SCHIP1: variants seen among roughly 807,000 people sequenced by gnomAD.
SCHIP1 encodes schwannomin interacting protein 1.
Under a neutral mutation model 29.7 loss-of-function variants are expected in SCHIP1, and 8 were observed. The ratio of observed to expected loss-of-function variants is 0.27; its 90% confidence interval spans 0.16 to 0.49. The LOEUF (loss-of-function observed/expected upper bound fraction) is 0.49, where lower values mean the gene tolerates loss of function less well. SCHIP1 is among the 20% of genes least tolerant of loss of function. The pLI, the probability that SCHIP1 is intolerant of heterozygous loss-of-function variation, is 0.99. For synonymous variants in SCHIP1, 76 were observed against 94.9 expected, an observed-to-expected ratio of 0.80 and a Z score of 1.16; for missense variants, 193 against 294.6, an observed-to-expected ratio of 0.66 and a Z score of 2.52.
At chr3:159,650,880 A>T in the SCHIP1 span, among the ~76,000 whole-genome samples, 1 of 152,188 alleles carries the variant, frequency 6.6e-6, no homozygotes, top group Non-Finnish European at 1.5e-5. Flanking sequence ...TACATAAACC[A>T]ACCAGAAAAG....
At chr3:159,654,802 TAAAAA>T in the SCHIP1 span, among the ~76,000 whole-genome samples, 595 of 103,770 alleles carry the variant, frequency 5.7e-3, 5 homozygotes, top group African/African-American at 0.019. Context: ...TGACTTTAAG[TAAAAA>T]AAAAAAAAAA....
At chr3:159,365,514 A>G in the SCHIP1 span, among the ~76,000 whole-genome samples, 1 of 152,188 alleles carries the variant, frequency 6.6e-6, no homozygotes, top group Non-Finnish European at 1.5e-5. Flanking sequence ...TAAGCACCAT[A>G]AGGGCAGGAG....
chr3:159,424,627 A>G, the SCHIP1 span, among the ~76,000 whole-genome samples: 1 of 152,222 alleles, frequency 6.6e-6, no homozygotes, highest in African/African-American at 2.4e-5. Flanking sequence ...GCAGGATATT[A>G]TCCAGGAGAA....
At chr3:159,485,141 T>G in the SCHIP1 span, among the ~76,000 whole-genome samples, 7 of 151,250 alleles carry the variant, frequency 4.6e-5, no homozygotes, top group Non-Finnish European at 8.8e-5. Context: ...CCCTGCTCCC[T>G]CATACTTCCT....
the SCHIP1 span, among the ~76,000 whole-genome samples, chr3:159,678,765 AG>A: frequency 6.6e-6 from 1 of 152,246 alleles, no homozygotes; most frequent in African/African-American, 2.4e-5. Flanking sequence ...ATGGCCGGGG[AG>A]GCCTCAGAAA....
At chr3:159,602,125 A>G in the SCHIP1 span, among the ~76,000 whole-genome samples, 1 of 152,314 alleles carries the variant, frequency 6.6e-6, no homozygotes, top group Admixed American at 6.5e-5. Context: ...AGTCTATGGT[A>G]GAAATATGGA....
the SCHIP1 span, among the ~76,000 whole-genome samples, chr3:159,651,246 G>T: frequency 6.6e-6 from 1 of 152,184 alleles, no homozygotes; most frequent in Non-Finnish European, 1.5e-5. Flanking sequence ...CAAAACTTAT[G>T]AATTTAGTAT....
At chr3:159,853,291 C>A in intron 1 of SCHIP1, 1 of 611,288 alleles carries the variant, frequency 1.6e-6, no homozygotes, top group South Asian at 2.0e-5. Flanking sequence ...TCAGTATGAG[C>A]AGTAACCAGG....
At chr3:159,512,893 A>G in the SCHIP1 span, among the ~76,000 whole-genome samples, 3 of 152,260 alleles carry the variant, frequency 2.0e-5, no homozygotes, top group African/African-American at 7.2e-5. Flanking sequence ...TCTACTCTCT[A>G]TGAGTTCAAT....
the SCHIP1 span, among the ~76,000 whole-genome samples, chr3:159,318,906 C>G: frequency 6.6e-6 from 1 of 152,092 alleles, no homozygotes; most frequent in Admixed American, 6.6e-5. Context: ...CCACCAAAGC[C>G]CAGTAACAGG....
At chr3:159,805,914 T>C in the SCHIP1 span, among the ~76,000 whole-genome samples, 1 of 151,264 alleles carries the variant, frequency 6.6e-6, no homozygotes, top group African/African-American at 2.4e-5. Context: ...GTTCGAGCAA[T>C]TCTCCTGCCT....
At chr3:159,455,304 A>G in the SCHIP1 span, among the ~76,000 whole-genome samples, 1 of 152,230 alleles carries the variant, frequency 6.6e-6, no homozygotes, top group Non-Finnish European at 1.5e-5. Context: ...GTTAGGCCAG[A>G]AGTGAGGCAC....
At chr3:159,505,087 GA>G in the SCHIP1 span, among the ~76,000 whole-genome samples, 1 of 152,148 alleles carries the variant, frequency 6.6e-6, no homozygotes, top group East Asian at 1.9e-4. Context: ...TTGCTCATAG[GA>G]AAGAGGTTCC....
chr3:159,362,781 C>T, the SCHIP1 span, among the ~76,000 whole-genome samples: 54,150 of 151,932 alleles, frequency 0.36, 11,159 homozygotes, highest in East Asian at 0.47. Flanking sequence ...GTGCTTTATC[C>T]CCATCCATTT....
At chr3:159,427,460 A>C in the SCHIP1 span, among the ~76,000 whole-genome samples, 1 of 151,814 alleles carries the variant, frequency 6.6e-6, no homozygotes, top group Non-Finnish European at 1.5e-5. Flanking sequence ...CTTCAAAGAG[A>C]ATAAAATACC....
chr3:159,526,327 C>T, the SCHIP1 span, among the ~76,000 whole-genome samples: 1 of 152,060 alleles, frequency 6.6e-6, no homozygotes, highest in African/African-American at 2.4e-5. Flanking sequence ...CACCACTGTG[C>T]CCGGCTAATT....
At chr3:159,675,079 C>A in the SCHIP1 span, among the ~76,000 whole-genome samples, 1 of 152,170 alleles carries the variant, frequency 6.6e-6, no homozygotes, top group African/African-American at 2.4e-5. Context: ...CAGGGCTTGA[C>A]AAAGACAGAA....
chr3:159,373,829 A>G, the SCHIP1 span, among the ~76,000 whole-genome samples: 2 of 152,148 alleles, frequency 1.3e-5, no homozygotes, highest in Non-Finnish European at 2.9e-5. Flanking sequence ...TCATTTGTTG[A>G]TGGACATTTA....
chr3:159,615,048 GAA>G, the SCHIP1 span, among the ~76,000 whole-genome samples: 3 of 152,190 alleles, frequency 2.0e-5, no homozygotes, highest in Admixed American at 6.5e-5. Flanking sequence ...TGGTGGTCAG[GAA>G]AAGTTTCCTC....
Sources: gnomAD v4.1 joint callset for allele counts (sites outside exome capture counted in the v4.1 genomes callset) on GRCh38, gnomAD v4.1.1 for gene constraint, MANE v1.5 for transcripts, NCBI Gene and HGNC (gene_info 2026-07-23, HGNC 2026-07-21) for gene names.